The following RARB variants were observed in gnomAD, a reference collection of about 807,000 sequenced individuals.
The protein encoded by RARB is HBV-activated protein.
Under a neutral mutation model 51.9 loss-of-function variants are expected in RARB, and 17 were observed. The ratio of observed to expected loss-of-function variants is 0.33; its 90% CI spans 0.22 to 0.49. The LOEUF (loss-of-function observed/expected upper bound fraction) is 0.49, where lower values mean the gene tolerates loss of function less well. Among genes scored for constraint, RARB ranks in the 20% least tolerant of loss-of-function variants. RARB has a pLI of 0.99. For synonymous variants in RARB, 215 were observed against 195.4 expected (o/e 1.10, Z -0.84); for missense variants, 369 against 550.8 (o/e 0.67, Z 3.30).
intron 6 of RARB, among the ~76,000 whole-genome samples, chr3:25,593,940 T>A (rs924172308): frequency 6.6e-6 from 1 of 151,978 alleles, no homozygotes; most frequent in South Asian, 2.1e-4. Context: ...TTACTCCAAT[T>A]GCCACAGATT....
intron 2 of RARB, among the ~76,000 whole-genome samples, chr3:24,969,728 T>A (rs999458225): frequency 1.3e-5 from 2 of 152,152 alleles, no homozygotes; most frequent in Non-Finnish European, 2.9e-5. Context: ...TAATTCCCAA[T>A]GACTGCAATG....
rs1273827960 is a variant in RARB at position 25,317,081 on chromosome 3, T to TATTATAAA, written c.178+142506_178+142507insATTATAAA. ...CTGTTAAGTATTTGATTATTATAAGTCGTGTAAAAGAATACAACATTTTTG... is the reference window on the plus strand; with the variant it reads ...CTGTTAAGTATTTGATTATTATAAGTATTATAAACGTGTAAAAGAATACAACATTTTTG... On this transcript the variant is annotated intron_variant, in intron 5 of 11. Coordinates refer to the RARB transcript ENST00000383772. Among the ~76,000 whole-genome samples the TATTATAAA allele has an allele frequency of 3.5e-4, 53 of 151,640 alleles. 1 individual carries two copies. In the East Asian group the frequency reaches 9.6e-3, roughly 27 times the overall value.
chr3:25,523,850 G>C (rs1023597633), intron 3 of RARB, among the ~76,000 whole-genome samples: 2 of 152,042 alleles, frequency 1.3e-5, no homozygotes, highest in East Asian at 3.9e-4. Flanking sequence ...TTGTTCACAG[G>C]ACCTATTAGT....
intron 2 of RARB, among the ~76,000 whole-genome samples, chr3:25,468,814 C>T (rs1417580881): frequency 1.3e-5 from 2 of 152,234 alleles, no homozygotes; most frequent in East Asian, 3.8e-4. Context: ...CACACATGGG[C>T]ATGTTCCCAG....
upstream of RARB, among the ~76,000 whole-genome samples, chr3:25,426,736 C>T (rs1708003915): frequency 6.6e-6 from 1 of 152,226 alleles, no homozygotes; most frequent in African/African-American, 2.4e-5. Flanking sequence ...TAATTCCTCT[C>T]CAGAGTTTCC....
chr3:25,118,608 GGATAGC>G (rs1239358960), intron 3 of RARB, among the ~76,000 whole-genome samples: 1 of 152,108 alleles, frequency 6.6e-6, no homozygotes, highest in Non-Finnish European at 1.5e-5. Context: ...AGTACATGGA[GGATAGC>G]TGCTCTGTTT....
At chr3:24,957,721 C>A (rs1268081564) in intron 2 of RARB, among the ~76,000 whole-genome samples, 1 of 152,176 alleles carries the variant, frequency 6.6e-6, no homozygotes. Context: ...TTGACCTCAA[C>A]TGTGTTCAAC....
intron 5 of RARB, among the ~76,000 whole-genome samples, chr3:25,245,760 G>A (rs1029220530): frequency 2.0e-5 from 3 of 151,980 alleles, no homozygotes; most frequent in African/African-American, 4.8e-5. Context: ...TTCAATCTTG[G>A]TGAATCTGAC....
chr3:25,197,514 A>C (rs993681804), intron 5 of RARB, among the ~76,000 whole-genome samples: 4 of 152,020 alleles, frequency 2.6e-5, no homozygotes, highest in Non-Finnish European at 5.9e-5. Flanking sequence ...CCTTGTTTCC[A>C]GATGACATCA....
chr3:25,567,821 A>AG lies in RARB; in HGVS notation c.449-1931dup, dbSNP rs576814546. On this transcript the variant is annotated intron_variant, in intron 3 of 7. Transcript: ENST00000330688. ...GCCATTGGCAGAGGCCGAGGAAAAGAGGGGGGTCTGATCACCTGAGATCCT... is the reference window on the plus strand; with the variant it reads ...GCCATTGGCAGAGGCCGAGGAAAAGAGGGGGGGTCTGATCACCTGAGATCCT... Among the ~76,000 whole-genome samples, 476 of 152,216 alleles carry AG rather than the reference A, an allele frequency of 3.1e-3. 1 individual carries two copies. The highest frequency in any genetic ancestry group is 3.7e-3 in the Non-Finnish European group (254 of 68,012).
chr3:25,016,921 G>A (rs1395041828), intron 2 of RARB, among the ~76,000 whole-genome samples: 1 of 152,124 alleles, frequency 6.6e-6, no homozygotes, highest in African/African-American at 2.4e-5. Flanking sequence ...TCTGGGTTCT[G>A]AGGAATGTCC....
chr3:25,043,661 T>A (rs1698157448), intron 2 of RARB, among the ~76,000 whole-genome samples: 1 of 152,188 alleles, frequency 6.6e-6, no homozygotes, highest in Non-Finnish European at 1.5e-5. Context: ...ATACTATTTA[T>A]AATTATATCA....
intron 2 of RARB, among the ~76,000 whole-genome samples, chr3:25,010,198 C>G (rs1697363948): frequency 6.6e-6 from 1 of 152,074 alleles, no homozygotes; most frequent in Non-Finnish European, 1.5e-5. Context: ...TAATTTTACA[C>G]CTTTCTCCAT....
chr3:25,322,425 G>C (rs1341744284), intron 5 of RARB, among the ~76,000 whole-genome samples: 1 of 152,134 alleles, frequency 6.6e-6, no homozygotes, highest in Non-Finnish European at 1.5e-5. Context: ...ATATTGACTT[G>C]ACCACAAAAC....
chr3:25,140,800 A>C (rs1411061916), intron 4 of RARB, among the ~76,000 whole-genome samples: 1 of 152,172 alleles, frequency 6.6e-6, no homozygotes, highest in Non-Finnish European at 1.5e-5. Context: ...TGCCACAGCC[A>C]CCCAACTAAT....
At chr3:24,907,624 G>C (rs541164002) in intron 2 of RARB, among the ~76,000 whole-genome samples, 1 of 152,236 alleles carries the variant, frequency 6.6e-6, no homozygotes, top group East Asian at 1.9e-4. Context: ...AAGGATATGG[G>C]ATGGCATGTG....
At chr3:25,186,464 C>G (rs1046179480) in intron 5 of RARB, among the ~76,000 whole-genome samples, 2 of 152,006 alleles carry the variant, frequency 1.3e-5, no homozygotes, top group Non-Finnish European at 2.9e-5. Context: ...TAGAGAACCT[C>G]TTTAATATGA....
In RARB at chr3:25,348,293, G is replaced by C. The variant is rs187326211; in HGVS notation, c.179-112900G>C. Among the ~76,000 whole-genome samples, 6 of 152,094 alleles carry C rather than the reference G, an allele frequency of 3.9e-5. No individual in the cohort carries two copies. The East Asian group carries it at 9.7e-4, about 25-fold the overall frequency. ...AAACATAAAATGAAATAATTGCTTA[G>C]ATATTTTAAATTTTATTATCTTAAA... On this transcript the variant is annotated intron_variant, in intron 5 of 11. Coordinates refer to the RARB transcript ENST00000383772.
chr3:25,327,422 C>T (rs893398241), intron 5 of RARB, among the ~76,000 whole-genome samples: 1 of 151,980 alleles, frequency 6.6e-6, no homozygotes, highest in Non-Finnish European at 1.5e-5. Flanking sequence ...ATCAGAAAGA[C>T]ATCAGACTTT....
Sources: allele counts gnomAD v4.1 joint callset (sites outside exome capture counted in the v4.1 genomes callset), GRCh38; gene constraint gnomAD v4.1.1; transcripts MANE v1.5; gene names NCBI Gene and HGNC (gene_info 2026-07-23, HGNC 2026-07-21).